Variants in DLGAP2 observed in about 807,000 individuals in gnomAD.
The protein encoded by DLGAP2 is disks large-associated protein 2.
In DLGAP2, 26 loss-of-function variants were observed where a neutral mutation model predicts 100.3. The observed-to-expected ratio is 0.26, with a 90% CI of 0.19 to 0.36. The LOEUF (loss-of-function observed/expected upper bound fraction) is 0.36. Among genes scored for constraint, DLGAP2 ranks in the 10% least tolerant of loss-of-function variants. DLGAP2 has a pLI of 1.00. For missense variants in DLGAP2, 1,858 were observed against 1,453.2 expected, an observed-to-expected ratio of 1.28 and a Z score of -4.53; for synonymous variants, 886 against 630.1, an observed-to-expected ratio of 1.41 and a Z score of -6.08.
chr8:1,437,072 C>T (rs571960421), intron 3 of DLGAP2, among the ~76,000 whole-genome samples: 188 of 151,850 alleles, frequency 1.2e-3, no homozygotes, highest in African/African-American at 4.3e-3. Context: ...GGTCTGCGTT[C>T]AGCCCAGGCG....
intron 2 of DLGAP2, among the ~76,000 whole-genome samples, chr8:1,055,650 A>C (rs908927536): frequency 6.6e-6 from 1 of 152,206 alleles, no homozygotes; most frequent in Non-Finnish European, 1.5e-5. Context: ...CAGCCGTCGG[A>C]TAGGCCGTTG....
Position 1,423,034 on chromosome 8 carries a change from A to G in DLGAP2, c.107-78332A>G, listed in dbSNP as rs763783497. On this transcript the variant is annotated intron_variant, in intron 3 of 14. Transcript: ENST00000637795. ...GAGCACATCAGGATACATGGTGCTC[A>G]TCATAGTGACATCAAAACAAAGGTG... 2.6e-5 allele frequency among the ~76,000 whole-genome samples: 4 copies of G among 152,242 alleles called. No individual in the cohort carries two copies. In the East Asian group the frequency reaches 5.8e-4, roughly 22 times the overall value.
chr8:1,169,093 TCC>T (rs1279042279), intron 2 of DLGAP2, among the ~76,000 whole-genome samples: 1 of 148,472 alleles, frequency 6.7e-6, no homozygotes, highest in Non-Finnish European at 1.5e-5. Context: ...TTCAGCTTTC[TCC>T]ATATGGCTAG....
intron 3 of DLGAP2, among the ~76,000 whole-genome samples, chr8:1,322,166 C>A (rs949956369): frequency 1.3e-5 from 2 of 152,250 alleles, no homozygotes; most frequent in African/African-American, 4.8e-5. Flanking sequence ...GTTCCTTCAA[C>A]ATAGGTGAAT....
At chr8:1,446,766 A>T (rs549067127) in intron 3 of DLGAP2, among the ~76,000 whole-genome samples, 4 of 152,074 alleles carry the variant, frequency 2.6e-5, no homozygotes, top group African/African-American at 9.7e-5. Flanking sequence ...CTTTTATTTC[A>T]TTGAGCAGTG....
intron 3 of DLGAP2, among the ~76,000 whole-genome samples, chr8:1,486,285 T>C (rs1584947485): frequency 6.6e-6 from 1 of 152,358 alleles, no homozygotes; most frequent in East Asian, 1.9e-4. Context: ...TGGAAAGCTG[T>C]GCAGTCTGCG....
intron 4 of DLGAP2, among the ~76,000 whole-genome samples, chr8:1,533,124 C>T (rs951723770): frequency 2.1e-5 from 3 of 145,842 alleles, no homozygotes; most frequent in African/African-American, 7.7e-5. Flanking sequence ...TTGTTAGTCA[C>T]TGATTCTAGG....
intron 2 of DLGAP2, among the ~76,000 whole-genome samples, chr8:1,197,003 C>T (rs1235614069): frequency 6.6e-6 from 1 of 152,106 alleles, no homozygotes; most frequent in Non-Finnish European, 1.5e-5. Flanking sequence ...GTTTGAAGGC[C>T]TGAAAATCGG....
At chr8:1,182,757 A>C (rs1022902124) in intron 2 of DLGAP2, among the ~76,000 whole-genome samples, 2 of 152,198 alleles carry the variant, frequency 1.3e-5, no homozygotes, top group Non-Finnish European at 2.9e-5. Flanking sequence ...CAGAGCTCAC[A>C]CTATCGAGTC....
chr8:995,662 A>C (rs1465257787), intron 2 of DLGAP2, among the ~76,000 whole-genome samples: 1 of 152,256 alleles, frequency 6.6e-6, no homozygotes, highest in Admixed American at 6.5e-5. Flanking sequence ...AAGATGGCTA[A>C]CACACCAGAA....
intron 6 of DLGAP2, among the ~76,000 whole-genome samples, chr8:1,577,720 G>A (rs1289623533): frequency 6.6e-6 from 1 of 152,138 alleles, no homozygotes; most frequent in Non-Finnish European, 1.5e-5. Flanking sequence ...AGAGCAGCCC[G>A]GGGCCAGGGG....
chr8:1,694,436 G>A (rs149927285), intron 13 of DLGAP2, among the ~76,000 whole-genome samples: 13 of 152,362 alleles, frequency 8.5e-5, no homozygotes, highest in Middle Eastern at 3.4e-3. Flanking sequence ...ACCACAGGGA[G>A]CGGAGCCTTT....
chr8:757,788 C>T (rs574578039), intron 1 of DLGAP2, among the ~76,000 whole-genome samples: 2 of 152,258 alleles, frequency 1.3e-5, no homozygotes, highest in South Asian at 2.1e-4. Context: ...TATCCAATTC[C>T]CTGGTGCTCT....
At chr8:1,447,960 A>C (rs1453347267) in intron 3 of DLGAP2, among the ~76,000 whole-genome samples, 1 of 151,816 alleles carries the variant, frequency 6.6e-6, no homozygotes, top group African/African-American at 2.4e-5. Flanking sequence ...TATTGCATCT[A>C]TTTGATTCTT....
chr8:1,280,428 T>A (rs1469542951), intron 3 of DLGAP2, among the ~76,000 whole-genome samples: 1 of 152,236 alleles, frequency 6.6e-6, no homozygotes, highest in African/African-American at 2.4e-5. Flanking sequence ...TCTACTGATT[T>A]TCCCTGTATC....
chr8:1,054,252 A>T lies in DLGAP2; in HGVS notation c.73+146286A>T, dbSNP rs545108150. Reference sequence around the variant, plus strand: ...CATGTATGCACATGTACACACACGTACACACACGCACACACACGGACACAC... The same window carrying T: ...CATGTATGCACATGTACACACACGTTCACACACGCACACACACGGACACAC... On this transcript the variant is annotated intron_variant, in intron 2 of 14. Transcript: ENST00000637795. Among the ~76,000 whole-genome samples, 142 of 152,078 alleles carry T rather than the reference A, an allele frequency of 9.3e-4. 1 individual carries two copies. The highest frequency in any genetic ancestry group is 3.2e-4 in the Non-Finnish European group (22 of 67,996).
intron 2 of DLGAP2, among the ~76,000 whole-genome samples, chr8:1,021,112 G>A (rs1052857600): frequency 1.3e-5 from 2 of 152,148 alleles, no homozygotes; most frequent in African/African-American, 4.8e-5. Flanking sequence ...GGTCACTTGT[G>A]CCTACAGATA....
At chr8:1,575,929 C>G (rs1377848697) in intron 6 of DLGAP2, among the ~76,000 whole-genome samples, 2 of 152,112 alleles carry the variant, frequency 1.3e-5, no homozygotes, top group Non-Finnish European at 2.9e-5. Flanking sequence ...AATAAACATA[C>G]ATGTGCATGT....
intron 3 of DLGAP2, among the ~76,000 whole-genome samples, chr8:1,304,111 C>T (rs1237256129): frequency 6.6e-6 from 1 of 152,172 alleles, no homozygotes; most frequent in African/African-American, 2.4e-5. Context: ...AGGGCAGAGG[C>T]CATTTTAATA....
Sources: gnomAD v4.1 joint callset for allele counts (sites outside exome capture counted in the v4.1 genomes callset) on GRCh38, gnomAD v4.1.1 for gene constraint, MANE v1.5 for transcripts, NCBI Gene and HGNC (gene_info 2026-07-23, HGNC 2026-07-21) for gene names.